Variants in SRRM4 observed in about 807,000 individuals in gnomAD.
SRRM4 encodes the protein serine/arginine repetitive matrix 4.
Under a neutral mutation model 68.9 loss-of-function variants are expected in SRRM4, and 33 were observed. The ratio of observed to expected loss-of-function variants is 0.48; its 90% CI spans 0.36 to 0.64. SRRM4 has a LOEUF of 0.64. Ranked by LOEUF, SRRM4 falls within the 30% of genes least tolerant of loss-of-function variation. The pLI, the probability that SRRM4 is intolerant of heterozygous loss-of-function variation, is 0.00. For missense variants in SRRM4, 817 were observed against 827.1 expected, an observed-to-expected ratio of 0.99 and a Z score of 0.15; for synonymous variants, 318 against 318.8, an observed-to-expected ratio of 1.00 and a Z score of 0.03.
intron 7 of SRRM4, among the ~76,000 whole-genome samples, chr12:119,130,319 G>T (rs576587632): frequency 3.3e-5 from 5 of 151,822 alleles, no homozygotes; most frequent in African/African-American, 9.7e-5. Flanking sequence ...TGGTTAGATG[G>T]AGGGATGGAT....
intron 1 of SRRM4, among the ~76,000 whole-genome samples, chr12:119,095,087 C>T (rs1365592704): frequency 6.6e-6 from 1 of 152,212 alleles, no homozygotes; most frequent in African/African-American, 2.4e-5. Flanking sequence ...TGGCAAAGCT[C>T]AAAGGGTCAC....
chr12:119,059,028 C>A (rs1259199640), intron 1 of SRRM4, among the ~76,000 whole-genome samples: 1 of 152,158 alleles, frequency 6.6e-6, no homozygotes, highest in African/African-American at 2.4e-5. Context: ...GCTGGAGACA[C>A]CTCTGCCCAG....
intron 6 of SRRM4, among the ~76,000 whole-genome samples, chr12:119,122,655 C>G (rs189255254): frequency 7.0e-4 from 107 of 152,254 alleles, no homozygotes; most frequent in Admixed American, 1.7e-3. Context: ...ATTTGTGTGT[C>G]TGTGCTTGTG....
intron 8 of SRRM4, among the ~76,000 whole-genome samples, chr12:119,136,208 AC>A (rs905107226): frequency 2.6e-5 from 4 of 152,166 alleles, no homozygotes; most frequent in Non-Finnish European, 5.9e-5. Context: ...CTTCACAACA[AC>A]CCCAGGAGAA....
intron 1 of SRRM4, among the ~76,000 whole-genome samples, chr12:118,992,469 A>C (rs972704969): frequency 6.6e-6 from 1 of 152,232 alleles, no homozygotes; most frequent in African/African-American, 2.4e-5. Flanking sequence ...ATCAGATTTC[A>C]GAACTTCCAG....
At chr12:119,114,495 G>C (rs1470205272) in intron 3 of SRRM4, 131 bp downstream of exon 3, 1 of 672,950 alleles carries the variant, frequency 1.5e-6, no homozygotes, top group Non-Finnish European at 2.6e-6. Context: ...GTGTGACCTT[G>C]GGCAAGTCAC....
chr12:119,009,692 A>T (rs979409427), intron 1 of SRRM4, among the ~76,000 whole-genome samples: 1 of 152,202 alleles, frequency 6.6e-6, no homozygotes, highest in African/African-American at 2.4e-5. Flanking sequence ...ATCAGTTAAT[A>T]TCATTCATTC....
intron 9 of SRRM4, among the ~76,000 whole-genome samples, chr12:119,146,982 A>T (rs1323630646): frequency 6.6e-6 from 1 of 152,204 alleles, no homozygotes; most frequent in African/African-American, 2.4e-5. Flanking sequence ...ATGAATTGAA[A>T]ACTTATCTCT....
intron 10 of SRRM4, 131 bp downstream of exon 10, chr12:119,151,351 C>T (rs190662239): frequency 1.4e-4 from 115 of 810,732 alleles, no homozygotes; most frequent in Admixed American, 7.4e-4. Flanking sequence ...TTGCCCATTT[C>T]GAGCTGGTGG....
At chr12:119,018,124 A>G (rs575052407) in intron 1 of SRRM4, among the ~76,000 whole-genome samples, 1 of 152,228 alleles carries the variant, frequency 6.6e-6, no homozygotes, top group Admixed American at 6.5e-5. Flanking sequence ...TGGGTTTTTG[A>G]GAAAAGAAAA....
At chr12:119,090,886 C>A (rs1774476694) in intron 1 of SRRM4, among the ~76,000 whole-genome samples, 1 of 152,194 alleles carries the variant, frequency 6.6e-6, no homozygotes, top group Admixed American at 6.5e-5. Context: ...GACAAGGAGA[C>A]CCCTCTGGTG....
chr12:119,013,314 G>A (rs1953461497), intron 1 of SRRM4, among the ~76,000 whole-genome samples: 2 of 152,140 alleles, frequency 1.3e-5, no homozygotes, highest in South Asian at 4.1e-4. Context: ...GTGCAACACA[G>A]CCAAAACAGA....
chr12:119,058,880 T>C (rs1415900096), intron 1 of SRRM4, among the ~76,000 whole-genome samples: 1 of 152,242 alleles, frequency 6.6e-6, no homozygotes, highest in Non-Finnish European at 1.5e-5. Flanking sequence ...ATTTGGTGTC[T>C]TCCACCCCAT....
At chr12:119,110,327 G>A (rs1230679377) in intron 2 of SRRM4, among the ~76,000 whole-genome samples, 2 of 152,168 alleles carry the variant, frequency 1.3e-5, no homozygotes, top group African/African-American at 2.4e-5. Flanking sequence ...ACTCTGTGCT[G>A]GGAGAACCAC....
intron 1 of SRRM4, chr12:119,031,207 G>C (rs1471943475): frequency 6.6e-6 from 1 of 152,192 alleles, no homozygotes; most frequent in Non-Finnish European, 1.5e-5. Context: ...TCATTCAGGT[G>C]GTTGTTAGCA....
chr12:119,153,945 A>G (rs1001654765), intron 11 of SRRM4, among the ~76,000 whole-genome samples: 2 of 151,282 alleles, frequency 1.3e-5, no homozygotes, highest in African/African-American at 4.9e-5. Flanking sequence ...TTACCCACGC[A>G]CCAGGGCCTG....
At chr12:119,024,912 G>A (rs1255519520) in intron 1 of SRRM4, among the ~76,000 whole-genome samples, 1 of 152,166 alleles carries the variant, frequency 6.6e-6, no homozygotes, top group African/African-American at 2.4e-5. Flanking sequence ...GGCCATAAGC[G>A]CTCACTGTGT....
intron 1 of SRRM4, among the ~76,000 whole-genome samples, chr12:119,061,058 T>C (rs550835627): frequency 2.6e-5 from 4 of 152,178 alleles, no homozygotes; most frequent in African/African-American, 9.6e-5. Context: ...AATGTGTGTG[T>C]GTGTGGGCAT....
At chr12:118,995,066 G>A (rs1953340260) in intron 1 of SRRM4, among the ~76,000 whole-genome samples, 1 of 152,140 alleles carries the variant, frequency 6.6e-6, no homozygotes, top group Admixed American at 6.5e-5. Flanking sequence ...CCTCATAAAT[G>A]TCAATTTTAA....
Sources: allele counts gnomAD v4.1 joint callset (sites outside exome capture counted in the v4.1 genomes callset), GRCh38; gene constraint gnomAD v4.1.1; transcripts MANE v1.5; gene names NCBI Gene and HGNC (gene_info 2026-07-23, HGNC 2026-07-21).